The following CLCA4 variants were observed in gnomAD, a reference collection of about 807,000 sequenced individuals.
The protein encoded by CLCA4 is calcium-activated chloride channel regulator 4.
A neutral mutation model predicts 78.9 loss-of-function variants in CLCA4; 69 were observed. That is an observed-to-expected ratio of 0.87 (90% CI 0.72 to 1.07). The LOEUF is 1.07. Ranked by LOEUF, CLCA4 falls within the 50% of genes least tolerant of loss-of-function variation. The pLI, the probability that CLCA4 is intolerant of heterozygous loss-of-function variation, is 0.00. For synonymous variants in CLCA4, 362 were observed against 375.8 expected, an observed-to-expected ratio of 0.96 and a Z score of 0.42; for missense variants, 1,133 against 1,095.8, an observed-to-expected ratio of 1.03 and a Z score of -0.48.
Position 86,580,667 on chromosome 1 carries a change from T to C in CLCA4, c.*322T>C. 1 of 196,746 alleles carries C rather than the reference T, an allele frequency of 5.1e-6. No homozygotes were observed. The highest frequency in any genetic ancestry group is 1.0e-5 in the Non-Finnish European group (1 of 98,188). 12.2% of individuals were successfully genotyped at this position (196,746 alleles called of 1,614,324 possible). On this transcript the variant is annotated 3_prime_UTR_variant, in exon 14 of 14. Transcript: ENST00000370563. ...ATGCAACAGTTTTCTGAAATGATAT[T>C]TCAAATTGCATCAAGAAATTAAAAT...
In CLCA4 at chr1:86,565,944, C is replaced by A; in HGVS notation, c.878C>A (p.Pro293His). The change falls in exon 6 of 14, where the codon CCT becomes CAT. Residue 293 changes from proline (P) to histidine (H), a missense_variant. By Grantham distance (77) the Pro-to-His change is moderately conservative. Coordinates refer to ENST00000370563, the MANE Select transcript of CLCA4 (RefSeq NM_012128.4). The part of the protein sequence containing the change: ...KNTIPMVTPP[P>H]PPVFSLLKIS... The stretch of plus-strand genomic sequence containing the variant: ...ACCATACCCATGGTGACACCACCTC[C>A]TCCACCTGTCTTCTCATTGCTGAAG... 6.2e-7 allele frequency: 1 copy of A among 1,613,374 alleles called. No individual in the cohort carries two copies. Among genetic ancestry groups the A allele is most frequent in the Non-Finnish European group, 8.5e-7 (1 of 1,179,436 alleles).
rs2101807068 is a variant in CLCA4, at chr1:86,567,548, T to A, written c.1079T>A (p.Ile360Asn). Residue 360 changes from isoleucine (I) to asparagine (N), a missense_variant, in exon 7 of 14, where the codon ATC becomes AAC. By Grantham distance (149) the Ile-to-Asn change is moderately radical (BLOSUM62 -3). Transcript: ENST00000370563. ...DSTATIVNKL[I>N]QIKSSDERNT... ...ACTGCCACTATTGTAAATAAGCTAATCCAAATAAAAAGCAGTGATGAAAGA... is the reference window on the plus strand; with the variant it reads ...ACTGCCACTATTGTAAATAAGCTAAACCAAATAAAAAGCAGTGATGAAAGA... The A allele has an allele frequency of 6.2e-7, 1 of 1,613,260 alleles. No homozygotes were observed. Among genetic ancestry groups the A allele is most frequent in the East Asian group, 2.2e-5 (1 of 44,846 alleles).
intron 7 of CLCA4, among the ~76,000 whole-genome samples, chr1:86,569,680 C>T (rs962665489): frequency 5.9e-5 from 9 of 151,946 alleles, no homozygotes; most frequent in Admixed American, 2.0e-4. Context: ...TGTAACACTA[C>T]ACTGTTATTT....
intron 1 of CLCA4, chr1:86,553,019 C>T: frequency 1.6e-6 from 1 of 624,234 alleles, no homozygotes; most frequent in African/African-American, 1.8e-5. Flanking sequence ...GCAGGACGTG[C>T]CCCCTCCTGC....
chr1:86,559,547 A>G (rs1649951085), intron 1 of CLCA4, among the ~76,000 whole-genome samples: 1 of 152,234 alleles, frequency 6.6e-6, no homozygotes, highest in African/African-American at 2.4e-5. Flanking sequence ...TAGTCCATTG[A>G]AGGATGAGGA....
At chr1:86,570,633 C>G (rs1476549659) in intron 7 of CLCA4, among the ~76,000 whole-genome samples, 3 of 151,938 alleles carry the variant, frequency 2.0e-5, no homozygotes, top group African/African-American at 7.2e-5. Flanking sequence ...CTGACTTTTT[C>G]AAATGTTGAA....
At chr1:86,570,646 G>A (rs1650322498) in intron 7 of CLCA4, among the ~76,000 whole-genome samples, 1 of 151,994 alleles carries the variant, frequency 6.6e-6, no homozygotes, top group South Asian at 2.1e-4. Context: ...ATGTTGAAGT[G>A]GATTCTTAAT....
chr1:86,572,783 G>T (rs778490400), intron 9 of CLCA4, 63 bp downstream of exon 9: 3 of 956,648 alleles, frequency 3.1e-6, no homozygotes, highest in African/African-American at 1.6e-5. Context: ...ACCATTTGGT[G>T]GTTATAAGTT....
At chr1:86,566,915 G>A (rs1297154167) in intron 6 of CLCA4, among the ~76,000 whole-genome samples, 1 of 152,014 alleles carries the variant, frequency 6.6e-6, no homozygotes, top group African/African-American at 2.4e-5. Flanking sequence ...GAGAAAGTGG[G>A]AAGATAGGGC....
Position 86,565,295 on chromosome 1 carries a change from T to C in CLCA4, c.579T>C (p.Gly193=). 6.3e-7 allele frequency: 1 copy of C among 1,598,968 alleles called. No homozygotes were observed. The highest frequency in any genetic ancestry group is 8.5e-7 in the Non-Finnish European group (1 of 1,174,388). Residue 193 remains glycine, a synonymous_variant, in exon 5 of 14, where the codon GGT becomes GGC. Transcript: ENST00000370563. ...TCAGGTGTTCCGCAGGTATCTCTGG[T>C]AGAAATAGAGTTTATAAGTGTCAAG... ...EATRCSAGIS[G]RNRVYKCQGG...
At chr1:86,551,500 A>G (rs1382625757) in intron 1 of CLCA4, among the ~76,000 whole-genome samples, 2 of 152,202 alleles carry the variant, frequency 1.3e-5, no homozygotes, top group Non-Finnish European at 2.9e-5. Flanking sequence ...AGGCACCTCC[A>G]GCTCACTCCC....
At chr1:86,563,621 A>G in intron 3 of CLCA4, 40 bp from the exon 4 acceptor site, 1 of 990,840 alleles carries the variant, frequency 1.0e-6, no homozygotes, top group South Asian at 1.7e-5. Flanking sequence ...AAAACGTGTC[A>G]CTTGGATTAT....
In CLCA4 at chr1:86,580,234, T is replaced by G. The variant is rs1347713639; in HGVS notation, c.2649T>G (p.Pro883=). ...TTGATCCTACACCTACTCCTACTCCTACTCCTACTCCTGATAAAAGTCATA... is the reference window on the plus strand; with the variant it reads ...TTGATCCTACACCTACTCCTACTCCGACTCCTACTCCTGATAAAAGTCATA... ...DDIDPTPTPT[P]TPTPDKSHNS... Residue 883 remains proline (P), a synonymous_variant, in exon 14 of 14, where the codon CCT becomes CCG. Coordinates refer to ENST00000370563, the MANE Select transcript of CLCA4 (RefSeq NM_012128.4). 3 of 1,611,476 alleles carry G rather than the reference T, an allele frequency of 1.9e-6. No individual in the cohort carries two copies. The highest frequency in any genetic ancestry group is 2.5e-6 in the Non-Finnish European group (3 of 1,178,478).
chr1:86,547,181 C>T lies in CLCA4; in HGVS notation c.62C>T (p.Thr21Ile). The T allele has an allele frequency of 6.2e-7, 1 of 1,612,194 alleles. No homozygotes were observed. Among genetic ancestry groups the T allele is most frequent in the Non-Finnish European group, 8.5e-7 (1 of 1,179,338 alleles). Residue 21 changes from threonine to isoleucine, a missense_variant, in exon 1 of 14, where the codon ACT (threonine) becomes ATT (isoleucine). Coordinates refer to ENST00000370563, the MANE Select transcript of CLCA4 (RefSeq NM_012128.4). The part of the protein sequence containing the change: ...LVLCLLHQSN[T>I]SFIKLNNNGF... ...CTGTGCCTGCTGCACCAGTCAAATA[C>T]TTCCTTCATTAAGCTGAATAATAAT... is the stretch of plus-strand genomic sequence containing the variant.
intron 7 of CLCA4, among the ~76,000 whole-genome samples, chr1:86,569,449 G>T (rs1570331470): frequency 6.6e-6 from 1 of 152,012 alleles, no homozygotes; most frequent in East Asian, 1.9e-4. Context: ...AAAATATGAG[G>T]CTTGTATTTT....
At chr1:86,551,375 T>A (rs1445260639) in intron 1 of CLCA4, among the ~76,000 whole-genome samples, 1 of 152,186 alleles carries the variant, frequency 6.6e-6, no homozygotes, top group Non-Finnish European at 1.5e-5. Context: ...TATTTAAGAA[T>A]GGCTGTATCC....
At chr1:86,574,499 C>A in intron 9 of CLCA4, 41 bp from the exon 10 acceptor site, 1 of 1,456,232 alleles carries the variant, frequency 6.9e-7, no homozygotes, top group Non-Finnish European at 9.6e-7. Flanking sequence ...AATAAAATTA[C>A]TGTCTTCTGC....
chr1:86,559,706 C>T lies in CLCA4; in HGVS notation c.160-226C>T, dbSNP rs370029142. 6.6e-5 allele frequency among the ~76,000 whole-genome samples: 10 copies of T among 152,298 alleles called. No homozygotes were observed. The East Asian group carries it at 7.7e-4, about 12-fold the overall frequency. Reference sequence around the variant, plus strand: ...CTTAATGCCAAATACAAGCATTTGCCTTTTAAGGCAGGATTATAGAAGACT... The same window carrying T: ...CTTAATGCCAAATACAAGCATTTGCTTTTTAAGGCAGGATTATAGAAGACT... On this transcript the variant is annotated intron_variant, in intron 1 of 13. Transcript: ENST00000370563.
chr1:86,559,959 C>G lies in CLCA4; in HGVS notation c.187C>G (p.Leu63Val). Residue 63 changes from leucine to valine, a missense_variant, in exon 2 of 14, where the codon CTG (leucine) becomes GTG (valine). Coordinates refer to ENST00000370563, the MANE Select transcript of CLCA4 (RefSeq NM_012128.4). ...EDMVTTASTY[L>V]FEATEKRFFF... ...TATGGTGACTACAGCTTCTACGTACCTGTTTGAAGCCACAGAAAAAAGATT... is the reference window on the plus strand; with the variant it reads ...TATGGTGACTACAGCTTCTACGTACGTGTTTGAAGCCACAGAAAAAAGATT... 6.2e-7 allele frequency: 1 copy of G among 1,600,646 alleles called. No individual in the cohort carries two copies. The highest frequency in any genetic ancestry group is 1.7e-4 in the Middle Eastern group (1 of 5,988).
Sources: gnomAD v4.1 joint callset for allele counts (sites outside exome capture counted in the v4.1 genomes callset) on GRCh38, gnomAD v4.1.1 for gene constraint, MANE v1.5 for transcripts, NCBI Gene and HGNC (gene_info 2026-07-23, HGNC 2026-07-21) for gene names.